EPHA6: variants seen among roughly 807,000 people sequenced by gnomAD.
The protein encoded by EPHA6 is ephrin type-A receptor 6.
A neutral mutation model predicts 112.0 loss-of-function variants in EPHA6; 50 were observed. The observed-to-expected ratio is 0.45, with a 90% CI of 0.36 to 0.56. The LOEUF (loss-of-function observed/expected upper bound fraction) is 0.56, where lower values mean the gene tolerates loss of function less well. Ranked by LOEUF, EPHA6 falls within the 20% of genes least tolerant of loss-of-function variation. The probability of loss-of-function intolerance (pLI) is 0.00; values close to 1 mark genes in which losing one functional copy is unlikely to be tolerated. For missense variants in EPHA6, 1,280 were observed against 1,417.4 expected, an observed-to-expected ratio of 0.90 and a Z score of 1.56; for synonymous variants, 529 against 490.7, an observed-to-expected ratio of 1.08 and a Z score of -1.03.
chr3:97,515,525 C>A (rs2092433952), intron 10 of EPHA6, among the ~76,000 whole-genome samples: 1 of 152,138 alleles, frequency 6.6e-6, no homozygotes, highest in Non-Finnish European at 1.5e-5. Flanking sequence ...GTGCATTAAG[C>A]AGAGCTAGTT....
chr3:97,350,133 G>A (rs2083734554), intron 5 of EPHA6, among the ~76,000 whole-genome samples: 1 of 151,898 alleles, frequency 6.6e-6, no homozygotes, highest in South Asian at 2.1e-4. Flanking sequence ...CACTCTTCCA[G>A]CTTTGGATAT....
chr3:97,417,636 G>A (rs920840967), intron 6 of EPHA6, among the ~76,000 whole-genome samples: 1 of 152,112 alleles, frequency 6.6e-6, no homozygotes, highest in African/African-American at 2.4e-5. Flanking sequence ...TGAGCTTGGA[G>A]GGGAAAGATG....
chr3:97,705,062 A>G (rs999300184), intron 14 of EPHA6, among the ~76,000 whole-genome samples: 4 of 152,140 alleles, frequency 2.6e-5, no homozygotes, highest in Non-Finnish European at 5.9e-5. Context: ...AAGCCTTTCA[A>G]TGGTGTTCCA....
At chr3:97,355,997 T>C (rs1371514042) in intron 5 of EPHA6, among the ~76,000 whole-genome samples, 2 of 152,200 alleles carry the variant, frequency 1.3e-5, no homozygotes, top group African/African-American at 4.8e-5. Flanking sequence ...ATTGTAAATA[T>C]ACGTGTACCC....
intron 11 of EPHA6, among the ~76,000 whole-genome samples, chr3:97,544,167 G>A (rs2092910381): frequency 1.3e-5 from 2 of 152,128 alleles, no homozygotes; most frequent in African/African-American, 4.8e-5. Flanking sequence ...CCTGTCTTGT[G>A]CCCATTTTCA....
intron 3 of EPHA6, among the ~76,000 whole-genome samples, chr3:97,013,564 C>T (rs1395102167): frequency 1.3e-5 from 2 of 152,006 alleles, no homozygotes; most frequent in African/African-American, 4.8e-5. Flanking sequence ...TACATAAATC[C>T]TTGGAACACA....
chr3:97,217,084 G>C (rs1213965106), intron 3 of EPHA6, among the ~76,000 whole-genome samples: 2 of 152,016 alleles, frequency 1.3e-5, no homozygotes, highest in Admixed American at 1.3e-4. Flanking sequence ...TACTATTTAG[G>C]GTAAATTTTT....
At chr3:97,105,542 G>C (rs1235722697) in intron 3 of EPHA6, among the ~76,000 whole-genome samples, 2 of 152,038 alleles carry the variant, frequency 1.3e-5, no homozygotes, top group Non-Finnish European at 2.9e-5. Flanking sequence ...CAGTTCTTTT[G>C]CACTTGCTGA....
Position 96,954,841 on chromosome 3 carries a change from C to T in EPHA6, c.451-32489C>T, listed in dbSNP as rs192926188. Among the ~76,000 whole-genome samples the T allele has an allele frequency of 0.01, 1,193 of 119,236 alleles. 58 individuals are homozygous for T. In the East Asian group the frequency reaches 0.16, roughly 16 times the overall value. 78.2% of individuals were successfully genotyped at this position (119,236 alleles called of 152,430 possible). A position where few individuals can be genotyped will look rare whatever the true frequency, so the allele number is the denominator to read the frequency against. ...TCGCTCTGTCGCCCAGGCCGGACTGCGGACTGCAGTGGCGCAATCTCGGCT... is the reference window on the plus strand; with the variant it reads ...TCGCTCTGTCGCCCAGGCCGGACTGTGGACTGCAGTGGCGCAATCTCGGCT... On this transcript the variant is annotated intron_variant, in intron 2 of 17. Coordinates refer to ENST00000389672, the MANE Select transcript of EPHA6 (RefSeq NM_001080448.3).
intron 14 of EPHA6, among the ~76,000 whole-genome samples, chr3:97,683,279 TA>T (rs2032001441): frequency 6.6e-6 from 1 of 152,170 alleles, no homozygotes; most frequent in South Asian, 2.1e-4. Flanking sequence ...ACCATTATAT[TA>T]AAAAAGAGTT....
In EPHA6 at chr3:97,532,475, G is replaced by C; in HGVS notation, c.2318G>C (p.Arg773Thr). The change falls in exon 11 of 18, where the codon AGA becomes ACA. Residue 773 changes from arginine (R) to threonine (T), a missense_variant. Physicochemically the swap from Arg to Thr is moderately conservative, Grantham distance 71. Coordinates refer to ENST00000389672, the MANE Select transcript of EPHA6 (RefSeq NM_001080448.3). ...GATCGGCAAAGAAGAGATTTTCTAA[G>C]AGAAGCTAGTATCATGGGCCAGTTT... Reference protein sequence around the residue: ...HMDRQRRDFLREASIMGQFDH... With the variant: ...HMDRQRRDFLTEASIMGQFDH... 1.2e-6 allele frequency: 2 copies of C among 1,612,464 alleles called. No individual in the cohort carries two copies. The highest frequency in any genetic ancestry group is 1.7e-6 in the Non-Finnish European group (2 of 1,178,910).
intron 10 of EPHA6, among the ~76,000 whole-genome samples, chr3:97,516,667 C>A (rs2092453176): frequency 6.6e-6 from 1 of 152,010 alleles, no homozygotes; most frequent in African/African-American, 2.4e-5. Flanking sequence ...ATGTTTTTTT[C>A]TCTATGTCTC....
intron 6 of EPHA6, among the ~76,000 whole-genome samples, chr3:97,421,068 G>C (rs1008335525): frequency 2.6e-5 from 4 of 151,942 alleles, no homozygotes; most frequent in African/African-American, 9.7e-5. Flanking sequence ...ACATAATTCA[G>C]ATCAAGCAAA....
intron 5 of EPHA6, among the ~76,000 whole-genome samples, chr3:97,313,374 C>G (rs566881930): frequency 1.3e-5 from 2 of 151,574 alleles, no homozygotes; most frequent in South Asian, 4.2e-4. Flanking sequence ...ACCTCTTCAT[C>G]AAACAGATTT....
At chr3:97,318,425 G>C (rs2108774463) in intron 5 of EPHA6, among the ~76,000 whole-genome samples, 1 of 152,082 alleles carries the variant, frequency 6.6e-6, no homozygotes. Context: ...CGAACTCTGT[G>C]TTTCTTTTCA....
chr3:96,836,667 C>T (rs767585556), intron 1 of EPHA6, among the ~76,000 whole-genome samples: 1 of 152,132 alleles, frequency 6.6e-6, no homozygotes, highest in Non-Finnish European at 1.5e-5. Flanking sequence ...GCCGTTCTAC[C>T]TCCCTTTTGA....
At chr3:96,826,204 ATAG>A (rs2033648182) in intron 1 of EPHA6, among the ~76,000 whole-genome samples, 1 of 152,030 alleles carries the variant, frequency 6.6e-6, no homozygotes, top group African/African-American at 2.4e-5. Flanking sequence ...GTTTTCTCTG[ATAG>A]TAGATTATTT....
chr3:97,261,600 C>G (rs575177022), intron 5 of EPHA6, among the ~76,000 whole-genome samples: 3 of 152,292 alleles, frequency 2.0e-5, no homozygotes, highest in African/African-American at 7.2e-5. Flanking sequence ...AGGACAACAG[C>G]TTTTTCTTTA....
chr3:97,200,016 G>A (rs2077540267), intron 3 of EPHA6, among the ~76,000 whole-genome samples: 1 of 152,022 alleles, frequency 6.6e-6, no homozygotes, highest in East Asian at 1.9e-4. Context: ...CTCAAATAGG[G>A]GTTATAGAGC....
Sources: gnomAD v4.1 joint callset for allele counts (sites outside exome capture counted in the v4.1 genomes callset) on GRCh38, gnomAD v4.1.1 for gene constraint, MANE v1.5 for transcripts, NCBI Gene and HGNC (gene_info 2026-07-23, HGNC 2026-07-21) for gene names.